Variants in ACSM2A observed in about 807,000 individuals in gnomAD.
ACSM2A encodes the protein acyl-coenzyme A synthetase ACSM2A, mitochondrial.
Under a neutral mutation model 76.6 loss-of-function variants are expected in ACSM2A, and 72 were observed. The ratio of observed to expected loss-of-function variants is 0.94; its 90% CI spans 0.78 to 1.14. ACSM2A has a LOEUF of 1.14. ACSM2A is among the 50% of genes most tolerant of loss of function. The probability of loss-of-function intolerance (pLI) is 0.00; values close to 1 mark genes in which losing one functional copy is unlikely to be tolerated. For synonymous variants in ACSM2A, 249 were observed against 255.9 expected (o/e 0.97, Z 0.26); for missense variants, 684 against 708.5 (o/e 0.97, Z 0.39).
At position 20,486,483 on chromosome 16, in the gene ACSM2A, A is replaced by C; in HGVS notation, c.1630-91A>C. The C allele has an allele frequency of 5.5e-6, 8 of 1,444,658 alleles. No homozygotes were observed. The South Asian group carries it at 9.6e-5, about 17-fold the overall frequency. 89.5% of individuals were successfully genotyped at this position (1,444,658 alleles called of 1,614,324 possible). ...GCTGCCCTGAAGTGGCTCCAGCCTGAAGAACTTCCCCTCACCCTACAGCAG... is the reference window on the plus strand; with the variant it reads ...GCTGCCCTGAAGTGGCTCCAGCCTGCAGAACTTCCCCTCACCCTACAGCAG... On this transcript the variant is annotated intron_variant, in intron 13 of 13. Transcript: ENST00000573854.
intron 2 of ACSM2A, among the ~76,000 whole-genome samples, chr16:20,463,086 T>C (rs1223636010): frequency 3.0e-5 from 2 of 67,044 alleles, no homozygotes; most frequent in Non-Finnish European, 5.4e-5. Flanking sequence ...TGTTATGGGG[T>C]GGGGGGAGGG....
rs185130694 is a variant in ACSM2A, at chr16:20,474,097, C to T, written c.895-1265C>T. 407 of 445,846 alleles carry T rather than the reference C, an allele frequency of 9.1e-4. 4 individuals carry two copies. The highest frequency in any genetic ancestry group is 7.4e-3 in the African/African-American group (369 of 49,566). The allele number at this position is 445,846 out of a possible 1,614,324, so 27.6% of individuals were successfully genotyped here. On this transcript the variant is annotated intron_variant, in intron 6 of 13. Transcript: ENST00000573854. The stretch of plus-strand genomic sequence containing the variant: ...AATGTGTTTGATTGATGTCTTATGT[C>T]TCCCTAAAATGTATAAAACCAAGGT...
chr16:20,470,856 G>C, intron 4 of ACSM2A: 1 of 732,066 alleles, frequency 1.4e-6, no homozygotes, highest in South Asian at 1.5e-5. Flanking sequence ...AGTAGTTTAA[G>C]GTTGCATTGA....
chr16:20,467,515 C>G (rs574984269), intron 3 of ACSM2A, among the ~76,000 whole-genome samples: 8 of 151,994 alleles, frequency 5.3e-5, no homozygotes, highest in Admixed American at 2.0e-4. Flanking sequence ...GCTTCAGTTT[C>G]GTTGAGGTAG....
At chr16:20,469,401 C>G in intron 3 of ACSM2A, 111 bp from the exon 4 acceptor site, 2 of 1,531,500 alleles carry the variant, frequency 1.3e-6, no homozygotes, top group Non-Finnish European at 1.8e-6. Flanking sequence ...TTGGTCATTA[C>G]TTCCTCATCC....
In ACSM2A at chr16:20,469,555, C is replaced by T. The variant is rs2013242739; in HGVS notation, c.432C>T (p.Asp144=). Residue 144 remains aspartate, a synonymous_variant, in exon 4 of 14, where the codon GAC becomes GAT. Coordinates refer to ENST00000573854, the MANE Select transcript of ACSM2A (RefSeq NM_001308172.2). ...GAACCATCCAGATGAAATCCACTGACATACTGTATAGGTTGCAGATGTCTA... is the reference window on the plus strand; with the variant it reads ...GAACCATCCAGATGAAATCCACTGATATACTGTATAGGTTGCAGATGTCTA... The part of the protein sequence containing the change: ...MPGTIQMKST[D]ILYRLQMSKA... 1 of 1,613,656 alleles carries T rather than the reference C, an allele frequency of 6.2e-7. No individual in the cohort carries two copies. Among genetic ancestry groups the T allele is most frequent in the African/African-American group, 1.3e-5 (1 of 74,892 alleles).
intron 3 of ACSM2A, among the ~76,000 whole-genome samples, chr16:20,466,375 T>C (rs373412986): frequency 2.0e-5 from 3 of 152,112 alleles, no homozygotes; most frequent in East Asian, 3.8e-4. Flanking sequence ...GAGAGGCTTG[T>C]GCCAAGCAAA....
At chr16:20,482,389 A>G (rs1016158101) in intron 12 of ACSM2A, 2 of 152,158 alleles carry the variant, frequency 1.3e-5, no homozygotes, top group Non-Finnish European at 2.9e-5. Flanking sequence ...AAAGACCCCT[A>G]TAAAGCCAGG....
chr16:20,474,419 A>G (rs570801979), intron 6 of ACSM2A, among the ~76,000 whole-genome samples: 13 of 152,186 alleles, frequency 8.5e-5, no homozygotes, highest in Non-Finnish European at 1.9e-4. Context: ...CCCCTTTACA[A>G]TGTGATGCCC....
At position 20,480,850 on chromosome 16, in the gene ACSM2A, A is replaced by G; in HGVS notation, c.1438A>G (p.Asn480Asp). The change falls in exon 12 of 14, where the codon AAT becomes GAT. Residue 480 changes from asparagine to aspartate, a missense_variant. Asn to Asp is a conservative substitution (Grantham distance 23). Coordinates refer to ENST00000573854, the MANE Select transcript of ACSM2A (RefSeq NM_001308172.2). Reference sequence around the variant, plus strand: ...CCGGATTGGACCCTCGGAGGTAGAGAATGCACTGATGGAGCACCCTGCTGT... The same window carrying G: ...CCGGATTGGACCCTCGGAGGTAGAGGATGCACTGATGGAGCACCCTGCTGT... Reference protein sequence around the residue: ...GYRIGPSEVENALMEHPAVVE... With the variant: ...GYRIGPSEVEDALMEHPAVVE... 1.9e-6 allele frequency: 3 copies of G among 1,613,896 alleles called. No homozygotes were observed. The highest frequency in any genetic ancestry group is 2.5e-6 in the Non-Finnish European group (3 of 1,179,846).
At chr16:20,482,842 C>A in intron 12 of ACSM2A, 1 of 579,680 alleles carries the variant, frequency 1.7e-6, no homozygotes, top group Non-Finnish European at 2.8e-6. Context: ...AGCCTAGTCT[C>A]AATCTTTTGT....
chr16:20,456,297 T>C (rs1215423061), intron 1 of ACSM2A, among the ~76,000 whole-genome samples: 2 of 140,778 alleles, frequency 1.4e-5, no homozygotes, highest in South Asian at 2.5e-4. Flanking sequence ...GTAAAACAGA[T>C]GAATTTAACA....
chr16:20,463,191 G>A (rs1241185277), intron 2 of ACSM2A, among the ~76,000 whole-genome samples: 4 of 150,744 alleles, frequency 2.7e-5, no homozygotes, highest in African/African-American at 7.3e-5. Context: ...TGTGACAAAC[G>A]TGCACGTTGT....
intron 1 of ACSM2A, among the ~76,000 whole-genome samples, chr16:20,457,896 T>C (rs183881410): frequency 2.6e-5 from 4 of 152,146 alleles, no homozygotes; most frequent in Non-Finnish European, 5.9e-5. Flanking sequence ...GCTGTTAATA[T>C]GATTGTATAC....
At chr16:20,456,573 A>C (rs529027195) in intron 1 of ACSM2A, among the ~76,000 whole-genome samples, 5 of 151,970 alleles carry the variant, frequency 3.3e-5, no homozygotes, top group African/African-American at 1.2e-4. Flanking sequence ...AATGAAATCA[A>C]GATGGAAATT....
chr16:20,460,102 T>C lies in ACSM2A; in HGVS notation c.-8-5T>C, dbSNP rs1362371926. 2 of 1,602,130 alleles carry C rather than the reference T, an allele frequency of 1.2e-6. No individual in the cohort carries two copies. The highest frequency in any genetic ancestry group is 1.7e-6 in the Non-Finnish European group (2 of 1,172,926). ...TCTCACCTGTGTCTCTTCTTTCTTT[T>C]ACAGGCCTGAATATGCATTGGCTGC... On this transcript the variant is annotated splice_region_variant and splice_polypyrimidine_tract_variant and intron_variant, in intron 1 of 13. Transcript: ENST00000573854.
chr16:20,486,137 A>G (rs534583685), intron 13 of ACSM2A, among the ~76,000 whole-genome samples: 2 of 152,378 alleles, frequency 1.3e-5, no homozygotes, highest in South Asian at 2.1e-4. Context: ...ACTCCATGCC[A>G]GTAACTTAGC....
At chr16:20,464,322 A>T (rs1323182430) in intron 2 of ACSM2A, among the ~76,000 whole-genome samples, 1 of 151,998 alleles carries the variant, frequency 6.6e-6, no homozygotes, top group African/African-American at 2.4e-5. Flanking sequence ...TCGGTCTCAG[A>T]CTGTTCTTGT....
chr16:20,472,342 G>C (rs2013467636), intron 6 of ACSM2A, among the ~76,000 whole-genome samples: 1 of 152,174 alleles, frequency 6.6e-6, no homozygotes, highest in Admixed American at 6.5e-5. Context: ...CTGGCTTGCT[G>C]ATGGCTCCCT....
Sources: allele counts gnomAD v4.1 joint callset (sites outside exome capture counted in the v4.1 genomes callset), GRCh38; gene constraint gnomAD v4.1.1; transcripts MANE v1.5; gene names NCBI Gene and HGNC (gene_info 2026-07-23, HGNC 2026-07-21).